Variants in TTC39C observed in about 807,000 individuals in gnomAD.
The protein encoded by TTC39C is tetratricopeptide repeat protein 39C.
Under a neutral mutation model 76.3 loss-of-function variants are expected in TTC39C, and 33 were observed. The ratio of observed to expected loss-of-function variants is 0.43; its 90% CI spans 0.33 to 0.58. The LOEUF (loss-of-function observed/expected upper bound fraction) is 0.58. Ranked by LOEUF, TTC39C falls within the 20% of genes least tolerant of loss-of-function variation. TTC39C has a pLI of 0.04. For synonymous variants in TTC39C, 254 were observed against 260.6 expected (o/e 0.97, Z 0.24); for missense variants, 595 against 701.4 (o/e 0.85, Z 1.71).
At chr18:24,009,006 A>G (rs1167623635) in intron 1 of TTC39C, among the ~76,000 whole-genome samples, 1 of 152,222 alleles carries the variant, frequency 6.6e-6, no homozygotes, top group Non-Finnish European at 1.5e-5. Flanking sequence ...TGATGAGAAC[A>G]TATGGACACA....
chr18:23,998,049 C>CA (rs1405816588), intron 1 of TTC39C, among the ~76,000 whole-genome samples: 9 of 152,068 alleles, frequency 5.9e-5, no homozygotes. Flanking sequence ...TTGTAGTGAT[C>CA]AATAAAGATA....
chr18:23,995,965 T>C (rs1437220016), intron 1 of TTC39C, among the ~76,000 whole-genome samples: 1 of 152,258 alleles, frequency 6.6e-6, no homozygotes, highest in Admixed American at 6.5e-5. Context: ...GTTAAGTATA[T>C]GCTTAGTTTT....
chr18:24,016,336 C>G (rs1479970272), intron 1 of TTC39C, among the ~76,000 whole-genome samples: 1 of 152,162 alleles, frequency 6.6e-6, no homozygotes, highest in Non-Finnish European at 1.5e-5. Flanking sequence ...AAAAGGTTTA[C>G]TTGTCACACA....
intron 6 of TTC39C, among the ~76,000 whole-genome samples, chr18:24,086,468 AG>A (rs1368190238): frequency 1.2e-4 from 19 of 152,204 alleles, no homozygotes; most frequent in Non-Finnish European, 1.2e-4. Flanking sequence ...GAGTGAATAT[AG>A]GAGGATTTCT....
intron 11 of TTC39C, among the ~76,000 whole-genome samples, chr18:24,129,677 G>A (rs1051310098): frequency 2.1e-4 from 32 of 151,192 alleles, no homozygotes; most frequent in African/African-American, 7.8e-4. Flanking sequence ...GGGAGGCTGA[G>A]GCACGAGAAT....
upstream of TTC39C, chr18:24,014,646 C>T (rs1483652632): frequency 3.8e-6 from 2 of 529,308 alleles, no homozygotes; most frequent in African/African-American, 4.1e-5. Context: ...TGAGTAATCC[C>T]CGCGGCGGCG....
At chr18:24,038,287 T>A (rs2083754187) in intron 1 of TTC39C, among the ~76,000 whole-genome samples, 2 of 152,220 alleles carry the variant, frequency 1.3e-5, no homozygotes, top group African/African-American at 4.8e-5. Context: ...TTTATTTTTA[T>A]TTTTATTATT....
Position 24,069,202 on chromosome 18 carries a change from A to G in TTC39C, c.391A>G (p.Arg131Gly). The change falls in exon 4 of 14, where the codon AGG (arginine) becomes GGG (glycine). Residue 131 changes from arginine to glycine, a missense_variant. Coordinates refer to ENST00000317571, the MANE Select transcript of TTC39C (RefSeq NM_001135993.2). ...SAPSMVDRLQ[R>G]QIIIADCQVY... ...CCCCTCTATGGTTGATCGGCTTCAG[A>G]GGCAGATAATCATAGCTGACTGCCA... 6.2e-7 allele frequency: 1 copy of G among 1,614,134 alleles called. No individual in the cohort carries two copies. Among genetic ancestry groups the G allele is most frequent in the South Asian group, 1.1e-5 (1 of 91,082 alleles).
At chr18:24,014,607 A>AGGGCGCGAGAGGAGC (rs1278266184), upstream of TTC39C, 1,588 of 320,554 alleles carry the variant, frequency 5.0e-3, 6 homozygotes, top group Middle Eastern at 0.018. Flanking sequence ...GGTGCTTCGG[A>AGGGCGCGAGAGGAGC]GGGCGCGAGA....
Position 24,025,742 on chromosome 18 carries a change from G to A in TTC39C, c.167+10704G>A, listed in dbSNP as rs546683760. On this transcript the variant is annotated intron_variant, in intron 1 of 13. Transcript: ENST00000317571. ...CTCCATTGAGAGGCGCTGAGCTTGGGGTGGGAGGGTTTAGGACCAGATTTG... is the reference window on the plus strand; with the variant it reads ...CTCCATTGAGAGGCGCTGAGCTTGGAGTGGGAGGGTTTAGGACCAGATTTG... Among the ~76,000 whole-genome samples, 49 of 152,290 alleles carry A rather than the reference G, an allele frequency of 3.2e-4. No individual in the cohort carries two copies. In the South Asian group the frequency reaches 0.01, roughly 32 times the overall value.
intron 10 of TTC39C, among the ~76,000 whole-genome samples, chr18:24,125,998 G>A (rs956183993): frequency 1.3e-5 from 2 of 152,132 alleles, no homozygotes; most frequent in South Asian, 4.1e-4. Flanking sequence ...ACCAACCTGG[G>A]CAACATGGTG....
Position 24,131,928 on chromosome 18 carries a change from T to C in TTC39C, c.1662+8T>C. 3 of 1,612,454 alleles carry C rather than the reference T, an allele frequency of 1.9e-6. No individual in the cohort carries two copies. The highest frequency in any genetic ancestry group is 2.2e-5 in the East Asian group (1 of 44,788). ...CTACTTCTTCAAGCAAAGGTAAATA[T>C]CCTGAATCTACCTTTCTCCAGTGGC... On this transcript the variant is annotated splice_region_variant and intron_variant, in intron 13 of 13. Transcript: ENST00000317571.
intron 1 of TTC39C, among the ~76,000 whole-genome samples, chr18:23,997,286 C>T (rs945287827): frequency 6.6e-6 from 1 of 152,054 alleles, no homozygotes; most frequent in African/African-American, 2.4e-5. Context: ...TGCAGTGGCT[C>T]ATGCCCGTAA....
chr18:24,056,954 AT>A (rs1908128039), intron 1 of TTC39C, among the ~76,000 whole-genome samples: 1 of 152,058 alleles, frequency 6.6e-6, no homozygotes, highest in African/African-American at 2.4e-5. Context: ...AAGTGCTAGG[AT>A]TATAGGTGTG....
intron 7 of TTC39C, among the ~76,000 whole-genome samples, chr18:24,117,712 A>G (rs1337373393): frequency 1.1e-4 from 11 of 100,434 alleles, no homozygotes; most frequent in African/African-American, 4.8e-4. Flanking sequence ...AAAAAAAAAG[A>G]AAAAAAAAAA....
At chr18:24,107,222 T>A (rs989918555) in intron 6 of TTC39C, among the ~76,000 whole-genome samples, 2 of 152,148 alleles carry the variant, frequency 1.3e-5, no homozygotes, top group African/African-American at 4.8e-5. Flanking sequence ...TTTAATCTCA[T>A]GTCTAGTTAG....
rs566896600 is a variant in TTC39C at position 24,027,458 on chromosome 18, A to G, written c.167+12420A>G. ...GATATCTGGAACAAGAAAGAACTTG[A>G]TATCTTTCTGTCTTGCAAATTATGC... On this transcript the variant is annotated intron_variant, in intron 1 of 13. Transcript: ENST00000317571. Among the ~76,000 whole-genome samples the G allele has an allele frequency of 2.0e-5, 3 of 152,122 alleles. No homozygotes were observed. The South Asian group carries it at 6.2e-4, about 32-fold the overall frequency.
At chr18:24,088,360 C>G (rs567653963) in intron 6 of TTC39C, among the ~76,000 whole-genome samples, 216 of 152,280 alleles carry the variant, frequency 1.4e-3, no homozygotes, top group Non-Finnish European at 1.5e-3. Context: ...TGTTAACATA[C>G]ACACAGACAT....
chr18:24,017,989 A>G (rs547647917), intron 1 of TTC39C, among the ~76,000 whole-genome samples: 1 of 152,272 alleles, frequency 6.6e-6, no homozygotes, highest in Non-Finnish European at 1.5e-5. Context: ...TTGTAGAAAC[A>G]GATTATCCTG....
Sources: allele counts gnomAD v4.1 joint callset (sites outside exome capture counted in the v4.1 genomes callset), GRCh38; gene constraint gnomAD v4.1.1; transcripts MANE v1.5; gene names NCBI Gene and HGNC (gene_info 2026-07-23, HGNC 2026-07-21).